CNTN6: variants seen among roughly 807,000 people sequenced by gnomAD.
CNTN6 encodes the protein contactin 6, also known as contactin-6.
In CNTN6, 137 loss-of-function variants were observed where a neutral mutation model predicts 122.8. The ratio of observed to expected loss-of-function variants is 1.12; its 90% CI spans 0.97 to 1.29. CNTN6 has a LOEUF of 1.29. Among genes scored for constraint, CNTN6 ranks in the 50% most tolerant of loss-of-function variants. The probability of loss-of-function intolerance (pLI) is 0.00; values close to 1 mark genes in which losing one functional copy is unlikely to be tolerated. For synonymous variants in CNTN6, 570 were observed against 426.0 expected (o/e 1.34, Z -4.16); for missense variants, 1,634 against 1,223.4 (o/e 1.34, Z -5.01).
At chr3:1,272,350 C>T (rs541973308) in intron 4 of CNTN6, among the ~76,000 whole-genome samples, 18 of 152,246 alleles carry the variant, frequency 1.2e-4, no homozygotes, top group East Asian at 7.7e-4. Context: ...TTTCCTCCTT[C>T]GCTAAATGAA....
chr3:1,103,094 A>G (rs1484179367), intron 1 of CNTN6, among the ~76,000 whole-genome samples: 1 of 152,210 alleles, frequency 6.6e-6, no homozygotes, highest in African/African-American at 2.4e-5. Flanking sequence ...CGACAGAGCC[A>G]GACTCCGTCT....
At chr3:1,251,432 C>T (rs1425609277) in intron 4 of CNTN6, among the ~76,000 whole-genome samples, 1 of 151,570 alleles carries the variant, frequency 6.6e-6, no homozygotes, top group Non-Finnish European at 1.5e-5. Context: ...TCCCTCTATA[C>T]TGAGACAAAG....
intron 12 of CNTN6, among the ~76,000 whole-genome samples, chr3:1,368,540 A>G (rs2126127403): frequency 6.6e-6 from 1 of 152,320 alleles, no homozygotes; most frequent in South Asian, 2.1e-4. Flanking sequence ...AAAACTTATC[A>G]AAAAGTATTT....
chr3:1,117,380 T>C (rs760767050), intron 1 of CNTN6, among the ~76,000 whole-genome samples: 1 of 152,108 alleles, frequency 6.6e-6, no homozygotes, highest in African/African-American at 2.4e-5. Context: ...CTGCAGGTGG[T>C]TTGATATGGC....
chr3:1,254,019 T>A (rs949389345), intron 4 of CNTN6, among the ~76,000 whole-genome samples: 1 of 152,162 alleles, frequency 6.6e-6, no homozygotes, highest in Admixed American at 6.5e-5. Flanking sequence ...GTAACCGACA[T>A]TTTTCTTTAA....
intron 4 of CNTN6, among the ~76,000 whole-genome samples, chr3:1,238,868 A>T (rs984235436): frequency 2.6e-5 from 4 of 152,180 alleles, no homozygotes; most frequent in Admixed American, 2.0e-4. Context: ...CTTTGAAAAG[A>T]TAAATAAAAT....
intron 2 of CNTN6, among the ~76,000 whole-genome samples, chr3:1,203,322 G>T (rs2093911320): frequency 6.6e-6 from 1 of 152,172 alleles, no homozygotes; most frequent in African/African-American, 2.4e-5. Flanking sequence ...TTGGCTGTAG[G>T]CAAGATCCCT....
In CNTN6 at chr3:1,185,587, T is replaced by A. The variant is rs899384465; in HGVS notation, c.56-35100T>A. Among the ~76,000 whole-genome samples the A allele has an allele frequency of 6.6e-5, 10 of 152,282 alleles. No homozygotes were observed. In the East Asian group the frequency reaches 1.9e-3, roughly 29 times the overall value. The stretch of plus-strand genomic sequence containing the variant: ...TTGGCATGTAGTCAGCATCTGTTAA[T>A]AGATTTCAGGATATAAATGAGATAG... On this transcript the variant is annotated intron_variant, in intron 2 of 22. Coordinates refer to ENST00000446702, the MANE Select transcript of CNTN6 (RefSeq NM_001289080.2).
At chr3:1,098,742 C>T (rs1373911589) in intron 1 of CNTN6, among the ~76,000 whole-genome samples, 2 of 133,240 alleles carry the variant, frequency 1.5e-5, no homozygotes, top group African/African-American at 5.1e-5. Flanking sequence ...TCTTTGAATT[C>T]TTTTGGCAGT....
At chr3:1,175,216 T>G (rs1489464464) in intron 2 of CNTN6, among the ~76,000 whole-genome samples, 1 of 131,006 alleles carries the variant, frequency 7.6e-6, no homozygotes, top group East Asian at 2.1e-4. Context: ...GAGTGAGACT[T>G]TGTCTCAAAA....
intron 11 of CNTN6, among the ~76,000 whole-genome samples, chr3:1,343,720 A>C (rs866512593): frequency 3.2e-4 from 49 of 152,188 alleles, no homozygotes; most frequent in African/African-American, 9.2e-4. Context: ...CTCTCTCTAT[A>C]TATATATAGC....
At chr3:1,304,946 GTGC>G (rs1559768774) in intron 7 of CNTN6, among the ~76,000 whole-genome samples, 1 of 141,566 alleles carries the variant, frequency 7.1e-6, no homozygotes, top group Non-Finnish European at 1.5e-5. Flanking sequence ...AGCTGAGATC[GTGC>G]TGCTGCACTC....
chr3:1,384,493 C>T (rs1692445238), intron 19 of CNTN6, among the ~76,000 whole-genome samples: 2 of 143,166 alleles, frequency 1.4e-5, no homozygotes, highest in Admixed American at 6.7e-5. Context: ...AGGCAAATTA[C>T]ATTTGTAGGC....
intron 2 of CNTN6, among the ~76,000 whole-genome samples, chr3:1,188,308 G>T (rs1366127048): frequency 6.6e-6 from 1 of 152,048 alleles, no homozygotes; most frequent in African/African-American, 2.4e-5. Context: ...TTCTTACAAG[G>T]CACCACCTCT....
At chr3:1,175,222 CAA>C (rs61606722) in intron 2 of CNTN6, among the ~76,000 whole-genome samples, 5,820 of 76,614 alleles carry the variant, frequency 0.076, no homozygotes, top group Middle Eastern at 0.14. Context: ...GACTTTGTCT[CAA>C]AAAAAAAAAA....
intron 5 of CNTN6, among the ~76,000 whole-genome samples, chr3:1,279,333 G>T (rs181901064): frequency 6.6e-6 from 1 of 151,934 alleles, no homozygotes; most frequent in African/African-American, 2.4e-5. Flanking sequence ...CCTGAAGGAG[G>T]CAGTGTGAAA....
In CNTN6 at chr3:1,385,771, C is replaced by T; in HGVS notation, c.2678C>T (p.Pro893Leu). The change falls in exon 20 of 23, where the codon CCA becomes CTA. Residue 893 changes from proline (P) to leucine (L), a missense_variant. By Grantham distance (98) the Pro-to-Leu change is moderately conservative (BLOSUM62 -3). Transcript: ENST00000446702. Reference protein sequence around the residue: ...NTAGTGPSSPPVNVTTKKSPP... With the variant: ...NTAGTGPSSPLVNVTTKKSPP... ...GCTGGGACAGGGCCCTCAAGCCCCC[C>T]AGTCAATGTTACCACCAAAAAGTCT... 2 of 1,611,360 alleles carry T rather than the reference C, an allele frequency of 1.2e-6. No homozygotes were observed. Among genetic ancestry groups the T allele is most frequent in the East Asian group, 2.2e-5 (1 of 44,740 alleles).
intron 2 of CNTN6, among the ~76,000 whole-genome samples, chr3:1,154,196 A>G (rs1045491359): frequency 5.9e-5 from 9 of 151,602 alleles, no homozygotes; most frequent in Admixed American, 5.9e-4. Context: ...AGGAAAAAAA[A>G]TTATGTTTTG....
chr3:1,101,881 A>C (rs2090915140), intron 1 of CNTN6, among the ~76,000 whole-genome samples: 1 of 152,220 alleles, frequency 6.6e-6, no homozygotes, highest in South Asian at 2.1e-4. Flanking sequence ...AATTCTTAAA[A>C]TCTAGAGGCA....
Sources: gnomAD v4.1 joint callset for allele counts (sites outside exome capture counted in the v4.1 genomes callset) on GRCh38, gnomAD v4.1.1 for gene constraint, MANE v1.5 for transcripts, NCBI Gene and HGNC (gene_info 2026-07-23, HGNC 2026-07-21) for gene names.